Variants in DDX10 observed in about 807,000 individuals in gnomAD.
DDX10 encodes probable ATP-dependent RNA helicase DDX10.
In DDX10, 74 loss-of-function variants were observed where a neutral mutation model predicts 104.3. The observed-to-expected ratio is 0.71, with a 90% confidence interval of 0.59 to 0.86. The LOEUF (loss-of-function observed/expected upper bound fraction) is 0.86, where lower values mean the gene tolerates loss of function less well. Among genes scored for constraint, DDX10 ranks in the 40% least tolerant of loss-of-function variants. The pLI, the probability that DDX10 is intolerant of heterozygous loss-of-function variation, is 0.00. For missense variants in DDX10, 952 were observed against 1,040.0 expected (o/e 0.92, Z 1.16); for synonymous variants, 351 against 353.4 (o/e 0.99, Z 0.08).
At chr11:108,846,406 T>C (rs1050356251) in intron 15 of DDX10, among the ~76,000 whole-genome samples, 1 of 151,822 alleles carries the variant, frequency 6.6e-6, no homozygotes, top group Non-Finnish European at 1.5e-5. Context: ...AACCAACATC[T>C]TCCCTTTGCC....
At chr11:108,847,674 T>G (rs2466941) in intron 15 of DDX10, among the ~76,000 whole-genome samples, 151,015 of 152,326 alleles carry the variant, frequency 0.99, 74,881 homozygotes, top group Middle Eastern at 1. Flanking sequence ...CCATAAATTT[T>G]TGTGATAGTT....
chr11:108,684,147 T>TA (rs1299901158), intron 6 of DDX10, among the ~76,000 whole-genome samples: 1 of 139,844 alleles, frequency 7.2e-6, no homozygotes, highest in Non-Finnish European at 1.5e-5. Flanking sequence ...AGTTCTTTTT[T>TA]TTTTTTTTTT....
intron 13 of DDX10, among the ~76,000 whole-genome samples, chr11:108,836,849 A>T (rs1298642274): frequency 6.6e-6 from 1 of 152,020 alleles, no homozygotes; most frequent in African/African-American, 2.4e-5. Context: ...TTATTAAATG[A>T]TTTGCTCTTT....
intron 13 of DDX10, among the ~76,000 whole-genome samples, chr11:108,834,259 C>T (rs1028610101): frequency 8.6e-5 from 13 of 151,490 alleles, no homozygotes; most frequent in Admixed American, 4.6e-4. Flanking sequence ...GAGGCACCTA[C>T]CTACCATATT....
At chr11:108,701,389 AAG>A (rs753552671) in intron 9 of DDX10, among the ~76,000 whole-genome samples, 3 of 152,212 alleles carry the variant, frequency 2.0e-5, no homozygotes, top group East Asian at 1.9e-4. Flanking sequence ...GGGCGGGAAA[AAG>A]AGAGGACTGT....
chr11:108,930,601 G>T (rs1383602025), intron 17 of DDX10, among the ~76,000 whole-genome samples: 1 of 152,172 alleles, frequency 6.6e-6, no homozygotes, highest in Non-Finnish European at 1.5e-5. Flanking sequence ...GTAGCATTTT[G>T]CATTCTTACC....
chr11:108,843,198 G>A (rs1182514764), intron 15 of DDX10, among the ~76,000 whole-genome samples: 1 of 152,092 alleles, frequency 6.6e-6, no homozygotes, highest in Non-Finnish European at 1.5e-5. Flanking sequence ...ACTTGAGGCA[G>A]TAGTGTGCTA....
At chr11:108,795,980 A>T (rs1459175240) in intron 13 of DDX10, among the ~76,000 whole-genome samples, 1 of 151,564 alleles carries the variant, frequency 6.6e-6, no homozygotes, top group African/African-American at 2.4e-5. Context: ...TAACAAATTG[A>T]TTTTTTTTTC....
intron 6 of DDX10, among the ~76,000 whole-genome samples, chr11:108,684,176 C>CT (rs55949043): frequency 0.66 from 17,688 of 26,732 alleles, 5,808 homozygotes; most frequent in Non-Finnish European, 0.72. Context: ...TATAGATTTT[C>CT]TTTTTTTTTT....
chr11:108,699,484 G>T (rs933780016), intron 9 of DDX10, among the ~76,000 whole-genome samples: 4 of 152,120 alleles, frequency 2.6e-5, no homozygotes, highest in African/African-American at 9.7e-5. Context: ...CTCTGCTGTT[G>T]GTCAGAGGCA....
intron 13 of DDX10, among the ~76,000 whole-genome samples, chr11:108,786,053 G>C (rs1861786060): frequency 6.6e-6 from 1 of 151,946 alleles, no homozygotes; most frequent in African/African-American, 2.4e-5. Context: ...CTCTGCTTTT[G>C]TTAATTGCAA....
intron 14 of DDX10, among the ~76,000 whole-genome samples, chr11:108,840,455 TGTG>T (rs2134595239): frequency 6.6e-6 from 1 of 152,352 alleles, no homozygotes; most frequent in African/African-American, 2.4e-5. Flanking sequence ...TATAGAGTTT[TGTG>T]GTGTTAGACT....
chr11:108,915,386 T>C (rs1299345111), intron 16 of DDX10, among the ~76,000 whole-genome samples: 3 of 151,964 alleles, frequency 2.0e-5, no homozygotes, highest in South Asian at 2.1e-4. Flanking sequence ...TATTTGACTT[T>C]GGAAAATTTG....
rs190332867 is a variant in DDX10 at position 108,795,870 on chromosome 11, G to A, written c.1966-42576G>A. ...TGGGTATATACCCAGTAATGGGATG[G>A]CTGGGTCAAATGGTAATTCTAGTTC... On this transcript the variant is annotated intron_variant, in intron 13 of 17. Coordinates refer to ENST00000322536, the MANE Select transcript of DDX10 (RefSeq NM_004398.4). Among the ~76,000 whole-genome samples the A allele has an allele frequency of 1.6e-3, 250 of 152,276 alleles. 1 individual carries two copies. Among genetic ancestry groups the A allele is most frequent in the African/African-American group, 5.8e-3 (241 of 41,546 alleles).
At chr11:108,743,214 G>A (rs1266153521) in intron 13 of DDX10, among the ~76,000 whole-genome samples, 2 of 152,114 alleles carry the variant, frequency 1.3e-5, no homozygotes, top group Non-Finnish European at 2.9e-5. Context: ...GGGATACAAG[G>A]TTGGTTCAAC....
intron 16 of DDX10, among the ~76,000 whole-genome samples, chr11:108,890,305 A>G (rs1056999150): frequency 3.3e-5 from 5 of 152,226 alleles, no homozygotes; most frequent in African/African-American, 1.2e-4. Context: ...GAATTCATCT[A>G]TGATAAGCTG....
At chr11:108,673,048 TTG>T (rs1437774678) in intron 1 of DDX10, among the ~76,000 whole-genome samples, 1 of 152,220 alleles carries the variant, frequency 6.6e-6, no homozygotes, top group Non-Finnish European at 1.5e-5. Context: ...TTTTTCCAAA[TTG>T]TGTGTATAGA....
At chr11:108,852,282 C>T in intron 16 of DDX10, 73 bp downstream of exon 16, 2 of 1,125,046 alleles carry the variant, frequency 1.8e-6, no homozygotes, top group East Asian at 2.5e-5. Flanking sequence ...TATATTTTGG[C>T]AAGAACAATG....
intron 13 of DDX10, among the ~76,000 whole-genome samples, chr11:108,793,492 C>G (rs1861898443): frequency 1.3e-5 from 2 of 152,072 alleles, no homozygotes; most frequent in South Asian, 4.1e-4. Flanking sequence ...GTAGGTACAC[C>G]TTTACCTCAA....
Sources: gnomAD v4.1 joint callset for allele counts (sites outside exome capture counted in the v4.1 genomes callset) on GRCh38, gnomAD v4.1.1 for gene constraint, MANE v1.5 for transcripts, NCBI Gene and HGNC (gene_info 2026-07-23, HGNC 2026-07-21) for gene names.